Variants in PPP1R14C observed in about 807,000 individuals in gnomAD.
PPP1R14C encodes protein phosphatase 1 regulatory subunit 14C.
A neutral mutation model predicts 20.4 loss-of-function variants in PPP1R14C; 16 were observed. The ratio of observed to expected loss-of-function variants is 0.78; its 90% confidence interval spans 0.53 to 1.19. The LOEUF (loss-of-function observed/expected upper bound fraction) is 1.19. PPP1R14C is among the 50% of genes most tolerant of loss of function. The probability of loss-of-function intolerance (pLI) is 0.00; values close to 1 mark genes in which losing one functional copy is unlikely to be tolerated. For synonymous variants in PPP1R14C, 91 were observed against 91.0 expected, an observed-to-expected ratio of 1.00 and a Z score of 0.00; for missense variants, 211 against 220.1, an observed-to-expected ratio of 0.96 and a Z score of 0.26.
chr6:150,150,365 G>T (rs974680444), intron 1 of PPP1R14C, among the ~76,000 whole-genome samples: 3 of 152,120 alleles, frequency 2.0e-5, no homozygotes, highest in African/African-American at 7.2e-5. Context: ...TCTTCCCTGA[G>T]TCCCACCCAC....
intron 1 of PPP1R14C, 85 bp from the exon 2 acceptor site, chr6:150,214,659 G>A: frequency 1.1e-6 from 1 of 934,646 alleles, no homozygotes; most frequent in South Asian, 1.4e-5. Context: ...TGATCTAGTT[G>A]TTTGTTCAAC....
chr6:150,224,447 A>C (rs184907975), intron 3 of PPP1R14C, among the ~76,000 whole-genome samples: 2 of 152,204 alleles, frequency 1.3e-5, no homozygotes, highest in African/African-American at 2.4e-5. Flanking sequence ...AAGAACTGAC[A>C]TACTGGCCAT....
chr6:150,206,906 C>T (rs1777959299), intron 1 of PPP1R14C, among the ~76,000 whole-genome samples: 1 of 149,486 alleles, frequency 6.7e-6, no homozygotes, highest in Non-Finnish European at 1.5e-5. Context: ...GCTCTGTTGT[C>T]CGGGCTAGAG....
chr6:150,217,828 T>A (rs1778114242), intron 3 of PPP1R14C, among the ~76,000 whole-genome samples: 1 of 152,188 alleles, frequency 6.6e-6, no homozygotes, highest in East Asian at 1.9e-4. Context: ...GACTTCTGAT[T>A]TTTGAAGAGG....
intron 1 of PPP1R14C, among the ~76,000 whole-genome samples, chr6:150,155,557 C>T (rs1480025275): frequency 6.6e-6 from 1 of 152,100 alleles, no homozygotes; most frequent in African/African-American, 2.4e-5. Flanking sequence ...TGCACCATTT[C>T]CCCCCAGATA....
chr6:150,198,255 C>T (rs1477927124), intron 1 of PPP1R14C, among the ~76,000 whole-genome samples: 50 of 143,074 alleles, frequency 3.5e-4, no homozygotes, highest in African/African-American at 8.7e-4. Flanking sequence ...CTGCCTGCCA[C>T]GGTGGAGGAG....
In PPP1R14C at chr6:150,249,785, A is replaced by T. The variant is rs1475479855; in HGVS notation, c.*965A>T. 8.0e-6 allele frequency: 3 copies of T among 373,166 alleles called. No individual in the cohort carries two copies. Among genetic ancestry groups the T allele is most frequent in the Non-Finnish European group, 1.4e-5 (3 of 210,438 alleles). 23.1% of individuals were successfully genotyped at this position (373,166 alleles called of 1,614,324 possible). A position where few individuals can be genotyped will look rare whatever the true frequency, so the allele number is the denominator to read the frequency against. ...TTCTTCCTTAGAAATAGGTTCTGGT[A>T]GCTTCTGTGCCTGGGTAGTATCAGA... On this transcript the variant is annotated 3_prime_UTR_variant, in exon 4 of 4. Coordinates refer to ENST00000361131, the MANE Select transcript of PPP1R14C (RefSeq NM_030949.3).
chr6:150,234,381 T>G (rs1778329104), intron 3 of PPP1R14C, among the ~76,000 whole-genome samples: 1 of 152,082 alleles, frequency 6.6e-6, no homozygotes, highest in Non-Finnish European at 1.5e-5. Flanking sequence ...GCCATTGCAT[T>G]ACTGAATATG....
intron 1 of PPP1R14C, among the ~76,000 whole-genome samples, chr6:150,188,218 T>A (rs1777699412): frequency 6.6e-6 from 1 of 152,198 alleles, no homozygotes. Flanking sequence ...AACAGATTAG[T>A]CTTCTGGATT....
chr6:150,170,332 T>C (rs1777482637), intron 1 of PPP1R14C, among the ~76,000 whole-genome samples: 1 of 151,128 alleles, frequency 6.6e-6, no homozygotes, highest in East Asian at 1.9e-4. Context: ...TTTTTTTTTT[T>C]CTTTTTTTGA....
Position 150,216,833 on chromosome 6 carries a change from G to A in PPP1R14C, c.400G>A (p.Val134Ile). The change falls in exon 3 of 4, where the codon GTA becomes ATA. Residue 134 changes from valine (V) to isoleucine (I), a missense_variant. By Grantham distance (29) the Val-to-Ile change is conservative. Coordinates refer to ENST00000361131, the MANE Select transcript of PPP1R14C (RefSeq NM_030949.3). ...ERASKLQEALVDCYKPTEEFI... is the reference protein window; with the variant it reads ...ERASKLQEALIDCYKPTEEFI... The stretch of plus-strand genomic sequence containing the variant: ...GTGTGTTTAATTCTAGGAAGCTCTT[G>A]TAGACTGCTACAAACCAACAGAGGT... The A allele has an allele frequency of 6.2e-7, 1 of 1,602,672 alleles. No individual in the cohort carries two copies. The highest frequency in any genetic ancestry group is 8.5e-7 in the Non-Finnish European group (1 of 1,173,784).
chr6:150,163,143 G>A (rs1011831660), intron 1 of PPP1R14C, among the ~76,000 whole-genome samples: 6 of 152,190 alleles, frequency 3.9e-5, no homozygotes, highest in Admixed American at 2.0e-4. Context: ...TGTAATCCCA[G>A]CACTTTGGGA....
intron 1 of PPP1R14C, among the ~76,000 whole-genome samples, chr6:150,170,312 A>C (rs1039926835): frequency 2.7e-5 from 4 of 150,820 alleles, no homozygotes; most frequent in Non-Finnish European, 5.9e-5. Context: ...GTCATGTGCT[A>C]GTTACTTTTT....
intron 3 of PPP1R14C, among the ~76,000 whole-genome samples, chr6:150,235,214 G>A (rs1464541489): frequency 3.3e-5 from 5 of 152,160 alleles, no homozygotes; most frequent in African/African-American, 4.8e-5. Context: ...TCAGTCTCCT[G>A]AGTAGCTAGG....
At chr6:150,170,513 G>A (rs1777485128) in intron 1 of PPP1R14C, among the ~76,000 whole-genome samples, 1 of 151,924 alleles carries the variant, frequency 6.6e-6, no homozygotes, top group African/African-American at 2.4e-5. Context: ...TAGTAGAGAT[G>A]GGGTTTCAAT....
intron 1 of PPP1R14C, among the ~76,000 whole-genome samples, chr6:150,157,963 C>T (rs968618341): frequency 6.6e-6 from 1 of 152,192 alleles, no homozygotes; most frequent in Non-Finnish European, 1.5e-5. Context: ...ATAGCAGAGA[C>T]ATTGCCTTCT....
At chr6:150,202,065 G>A (rs888921106) in intron 1 of PPP1R14C, among the ~76,000 whole-genome samples, 12 of 152,212 alleles carry the variant, frequency 7.9e-5, no homozygotes, top group African/African-American at 2.9e-4. Flanking sequence ...AGGCAGCTGA[G>A]CCTGTGTGCC....
intron 1 of PPP1R14C, among the ~76,000 whole-genome samples, chr6:150,175,063 A>G (rs1326016759): frequency 6.6e-6 from 1 of 152,158 alleles, no homozygotes; most frequent in Non-Finnish European, 1.5e-5. Flanking sequence ...TGATACCACT[A>G]TGACATTTAA....
At chr6:150,181,214 G>A (rs1301585190) in intron 1 of PPP1R14C, among the ~76,000 whole-genome samples, 2 of 152,102 alleles carry the variant, frequency 1.3e-5, no homozygotes. Flanking sequence ...GTCTCACTAT[G>A]TCACCAGGCT....
Sources: gnomAD v4.1 joint callset for allele counts (sites outside exome capture counted in the v4.1 genomes callset) on GRCh38, gnomAD v4.1.1 for gene constraint, MANE v1.5 for transcripts, NCBI Gene and HGNC (gene_info 2026-07-23, HGNC 2026-07-21) for gene names.